The following IKZF2 variants were observed in gnomAD, a reference collection of about 807,000 sequenced individuals.
The protein encoded by IKZF2 is zinc finger protein Helios.
Under a neutral mutation model 49.2 loss-of-function variants are expected in IKZF2, and 15 were observed. That is an observed-to-expected ratio of 0.30 (90% CI 0.20 to 0.47). The LOEUF is 0.47. Among genes scored for constraint, IKZF2 ranks in the 20% least tolerant of loss-of-function variants. The pLI is 1.00. For missense variants in IKZF2, 567 were observed against 664.6 expected (o/e 0.85, Z 1.61); for synonymous variants, 227 against 221.4 (o/e 1.03, Z -0.23).
At chr2:213,129,417 G>C (rs2060393878) in intron 4 of IKZF2, among the ~76,000 whole-genome samples, 1 of 150,316 alleles carries the variant, frequency 6.7e-6, no homozygotes, top group South Asian at 2.2e-4. Flanking sequence ...AAGAAAACGT[G>C]TCCCAAACCA....
At chr2:213,046,807 G>C (rs1574617912) in intron 6 of IKZF2, among the ~76,000 whole-genome samples, 1 of 151,890 alleles carries the variant, frequency 6.6e-6, no homozygotes, top group South Asian at 2.1e-4. Flanking sequence ...TAATCTGAAG[G>C]GGGTAATCTC....
chr2:213,108,494 T>C (rs1318942122), intron 4 of IKZF2, among the ~76,000 whole-genome samples: 1 of 152,136 alleles, frequency 6.6e-6, no homozygotes. Context: ...GCTACTGAAC[T>C]GATATGACCT....
intron 4 of IKZF2, among the ~76,000 whole-genome samples, chr2:213,067,950 T>G (rs952217660): frequency 1.3e-5 from 2 of 152,104 alleles, no homozygotes; most frequent in Non-Finnish European, 2.9e-5. Flanking sequence ...AGATAACTTC[T>G]CATTGTAAGT....
chr2:213,109,376 C>T (rs970170564), intron 4 of IKZF2, among the ~76,000 whole-genome samples: 2 of 152,008 alleles, frequency 1.3e-5, no homozygotes, highest in African/African-American at 4.8e-5. Flanking sequence ...GGCTACATAT[C>T]ATAAGTAACA....
intron 6 of IKZF2, 45 bp from the exon 7 acceptor site, chr2:213,022,175 A>G: frequency 1.3e-6 from 2 of 1,485,274 alleles, no homozygotes; most frequent in East Asian, 2.5e-5. Context: ...TCTCATCAAC[A>G]TTCAAAGCAA....
intron 6 of IKZF2, among the ~76,000 whole-genome samples, chr2:213,027,571 G>T (rs1482480391): frequency 6.6e-6 from 1 of 151,952 alleles, no homozygotes; most frequent in Non-Finnish European, 1.5e-5. Context: ...GGAACTGATG[G>T]TACCCTGGGT....
intron 4 of IKZF2, among the ~76,000 whole-genome samples, chr2:213,080,327 TA>T (rs1246537681): frequency 1.3e-5 from 2 of 152,276 alleles, no homozygotes; most frequent in African/African-American, 4.8e-5. Context: ...TACTTTAAAA[TA>T]ATTTGGGAGG....
chr2:213,089,376 T>C lies in IKZF2; in HGVS notation c.140-32277A>G, dbSNP rs191271285. Among the ~76,000 whole-genome samples the C allele has an allele frequency of 5.1e-4, 78 of 152,290 alleles. 1 individual carries two copies. On this transcript the variant is annotated intron_variant, in intron 4 of 8. Transcript: ENST00000434687. ...TTCAGCTCAGGCCTCTTCACTTTTG[T>C]GCAGGCCTCCTCACAGGGCACCTTG... is the stretch of plus-strand genomic sequence containing the variant.
chr2:213,008,820 G>GCA (rs1695629933), intron 8 of IKZF2, among the ~76,000 whole-genome samples: 1 of 151,980 alleles, frequency 6.6e-6, no homozygotes, highest in Non-Finnish European at 1.5e-5. Context: ...ATAACATATG[G>GCA]CACCTCACTG....
At chr2:213,020,021 T>C (rs1479238536) in intron 7 of IKZF2, among the ~76,000 whole-genome samples, 1 of 152,206 alleles carries the variant, frequency 6.6e-6, no homozygotes, top group Non-Finnish European at 1.5e-5. Context: ...CAATACAGAA[T>C]TCCATAAATA....
intron 4 of IKZF2, among the ~76,000 whole-genome samples, chr2:213,071,090 T>C (rs1484971347): frequency 6.6e-6 from 1 of 152,152 alleles, no homozygotes; most frequent in Non-Finnish European, 1.5e-5. Context: ...CATCACAATG[T>C]TGAATAATAC....
At chr2:213,137,686 A>G (rs745614312) in intron 4 of IKZF2, among the ~76,000 whole-genome samples, 6 of 152,140 alleles carry the variant, frequency 3.9e-5, no homozygotes, top group Admixed American at 6.5e-5. Flanking sequence ...TAGAAGACCT[A>G]TAAGATATTT....
chr2:213,044,884 G>C (rs1375194607), intron 6 of IKZF2, among the ~76,000 whole-genome samples: 8 of 152,132 alleles, frequency 5.3e-5, no homozygotes, highest in Non-Finnish European at 7.3e-5. Context: ...TTTTGGTAGT[G>C]GGGCAATGAT....
intron 7 of IKZF2, 76 bp downstream of exon 7, chr2:213,021,917 C>A: frequency 3.4e-6 from 2 of 594,476 alleles, no homozygotes; most frequent in Non-Finnish European, 4.8e-6. Flanking sequence ...TTTTAAACAG[C>A]ATAAGATTTT....
rs575529257 is a variant in IKZF2, at chr2:213,061,815, G to T, written c.140-4716C>A. ...ATGTACTCCAAAAATGGCCATAAAA[G>T]AGTTCATGAGTTAGAATACAGGAAA... On this transcript the variant is annotated intron_variant, in intron 4 of 8. Coordinates refer to ENST00000434687, the MANE Select transcript of IKZF2 (RefSeq NM_001387220.1). Among the ~76,000 whole-genome samples the T allele has an allele frequency of 2.6e-4, 40 of 151,490 alleles. 1 individual carries two copies. Among genetic ancestry groups the T allele is most frequent in the Admixed American group, 2.5e-3 (38 of 15,160 alleles).
chr2:213,134,380 G>A (rs2060582040), intron 4 of IKZF2, among the ~76,000 whole-genome samples: 1 of 152,180 alleles, frequency 6.6e-6, no homozygotes, highest in Non-Finnish European at 1.5e-5. Context: ...TGAGGGGCAA[G>A]ATCAAAGTTT....
At chr2:213,101,532 T>C (rs565946198) in intron 4 of IKZF2, among the ~76,000 whole-genome samples, 2 of 135,254 alleles carry the variant, frequency 1.5e-5, no homozygotes, top group African/African-American at 5.8e-5. Context: ...CTACCTACTA[T>C]TAAGATAATT....
chr2:213,005,954 T>C lies in IKZF2; in HGVS notation c.*1406A>G, dbSNP rs7607184. On this transcript the variant is annotated 3_prime_UTR_variant, in exon 9 of 9. Coordinates refer to ENST00000434687, the MANE Select transcript of IKZF2 (RefSeq NM_001387220.1). ...TTGGAAACAGAAAAATGTGCAGGAC[T>C]TTCCTTTGGGGGTTCTGTCACATTC... 0.54 allele frequency: 82,110 copies of C among 151,904 alleles called. 22,829 individuals carry two copies. Among genetic ancestry groups the C allele is most frequent in the East Asian group, 0.69 (3,541 of 5,122 alleles). The allele number at this position is 151,904 out of a possible 1,614,324, so 9.4% of individuals were successfully genotyped here.
At chr2:213,147,559 C>A in intron 4 of IKZF2, 149 bp downstream of exon 4, 1 of 744,036 alleles carries the variant, frequency 1.3e-6, no homozygotes, top group Non-Finnish European at 2.4e-6. Flanking sequence ...CTAGAATGAA[C>A]AGGAATAAAT....
Sources: allele counts gnomAD v4.1 joint callset (sites outside exome capture counted in the v4.1 genomes callset), GRCh38; gene constraint gnomAD v4.1.1; transcripts MANE v1.5; gene names NCBI Gene and HGNC (gene_info 2026-07-23, HGNC 2026-07-21).